Variants in FAM171B observed in about 807,000 individuals in gnomAD.
FAM171B encodes protein FAM171B.
FAM171B carries 19 observed loss-of-function variants against 75.6 expected under a neutral mutation model. The ratio of observed to expected loss-of-function variants is 0.25; its 90% CI spans 0.18 to 0.37. FAM171B has a LOEUF of 0.37. FAM171B is among the 10% of genes least tolerant of loss of function. FAM171B has a pLI of 1.00. For synonymous variants in FAM171B, 367 were observed against 361.7 expected, an observed-to-expected ratio of 1.01 and a Z score of -0.17; for missense variants, 848 against 982.4, an observed-to-expected ratio of 0.86 and a Z score of 1.83.
intron 2 of FAM171B, 49 bp downstream of exon 2, chr2:186,740,510 G>A (rs1320562908): frequency 6.8e-7 from 1 of 1,461,896 alleles, no homozygotes; most frequent in African/African-American, 1.4e-5. Flanking sequence ...AAATGTAAAT[G>A]AATTATTTTC....
chr2:186,703,471 A>T lies in FAM171B; in HGVS notation c.238+9060A>T, dbSNP rs191578688. Among the ~76,000 whole-genome samples, 12 of 152,310 alleles carry T rather than the reference A, an allele frequency of 7.9e-5. No homozygotes were observed. The East Asian group carries it at 2.1e-3, about 27-fold the overall frequency. ...TTCCATATCCTTTGTCCTTTCTGAAATAAAATAAAACCAGTGTTCATGCTT... is the reference window on the plus strand; with the variant it reads ...TTCCATATCCTTTGTCCTTTCTGAATTAAAATAAAACCAGTGTTCATGCTT... On this transcript the variant is annotated intron_variant, in intron 1 of 7. Transcript: ENST00000304698.
intron 1 of FAM171B, among the ~76,000 whole-genome samples, chr2:186,724,924 T>G (rs1282191464): frequency 6.6e-6 from 1 of 152,252 alleles, no homozygotes; most frequent in African/African-American, 2.4e-5. Flanking sequence ...AATGAATTGC[T>G]AAATTCTCGT....
chr2:186,759,344 C>G, intron 6 of FAM171B, among the ~76,000 whole-genome samples: 1 of 152,026 alleles, frequency 6.6e-6, no homozygotes, highest in Middle Eastern at 3.2e-3. Context: ...AACTGAGTTC[C>G]TTTCTTTTGG....
At chr2:186,727,669 A>C (rs1192549702) in intron 1 of FAM171B, among the ~76,000 whole-genome samples, 2 of 152,176 alleles carry the variant, frequency 1.3e-5, no homozygotes, top group Non-Finnish European at 2.9e-5. Flanking sequence ...TGAGTGGGGA[A>C]AAACGACTGG....
Position 186,694,302 on chromosome 2 carries a change from A to ACAGCGG in FAM171B, c.133_134insGGCAGC (p.Gln44_Gln45insArgGln). 6.4e-7 allele frequency: 1 copy of ACAGCGG among 1,565,774 alleles called. No individual in the cohort carries two copies. The highest frequency in any genetic ancestry group is 1.8e-5 in the Admixed American group (1 of 56,648). On this transcript the variant is annotated inframe_insertion, in exon 1 of 8. Coordinates refer to ENST00000304698, the MANE Select transcript of FAM171B (RefSeq NM_177454.4). The stretch of plus-strand genomic sequence containing the variant: ...GCCGCTCCGACCTCAGCCTCATCCA[A>ACAGCGG]CAGCAGCAGCAGCAGCAGCAACAAC...
At chr2:186,724,062 T>C (rs1239891603) in intron 1 of FAM171B, among the ~76,000 whole-genome samples, 2 of 152,060 alleles carry the variant, frequency 1.3e-5, no homozygotes, top group African/African-American at 4.8e-5. Context: ...GTTAAGAAGG[T>C]AGTATGGAAA....
chr2:186,761,578 C>T lies in FAM171B; in HGVS notation c.1236C>T (p.Ile412=), dbSNP rs776873985. The change falls in exon 8 of 8, where the codon ATC becomes ATT. Residue 412 remains isoleucine, a synonymous_variant. Coordinates refer to ENST00000304698, the MANE Select transcript of FAM171B (RefSeq NM_177454.4). ...CTTCAACAACACACATAAATCATATCAGTACAGTTAAAGTTGCATTAAAAG... is the reference window on the plus strand; with the variant it reads ...CTTCAACAACACACATAAATCATATTAGTACAGTTAAAGTTGCATTAAAAG... ...QTTSTTHINH[I]STVKVALKAE... The T allele has an allele frequency of 6.2e-7, 1 of 1,613,068 alleles. No homozygotes were observed. Among genetic ancestry groups the T allele is most frequent in the Non-Finnish European group, 8.5e-7 (1 of 1,179,542 alleles).
At chr2:186,742,048 G>GGT (rs1292889542) in intron 2 of FAM171B, among the ~76,000 whole-genome samples, 2 of 151,776 alleles carry the variant, frequency 1.3e-5, no homozygotes, top group Middle Eastern at 3.2e-3. Context: ...AAAAAGGCAG[G>GGT]GTAACAGTAT....
chr2:186,720,662 T>C (rs1231833665), intron 1 of FAM171B, among the ~76,000 whole-genome samples: 5 of 149,626 alleles, frequency 3.3e-5, no homozygotes, highest in Admixed American at 6.7e-5. Flanking sequence ...TTCTCTATAG[T>C]TTTTTGTATT....
chr2:186,748,613 G>A (rs992777609), intron 4 of FAM171B, among the ~76,000 whole-genome samples: 1 of 152,188 alleles, frequency 6.6e-6, no homozygotes, highest in East Asian at 1.9e-4. Context: ...CTGAGCCAGT[G>A]TATGTCCCCA....
intron 5 of FAM171B, 114 bp downstream of exon 5, chr2:186,751,418 G>C (rs942027709): frequency 1.6e-5 from 15 of 960,018 alleles, no homozygotes; most frequent in Non-Finnish European, 2.0e-5. Context: ...CATCACAAAT[G>C]TATTTGTTAG....
At chr2:186,713,874 C>A (rs1038409788) in intron 1 of FAM171B, among the ~76,000 whole-genome samples, 3 of 152,138 alleles carry the variant, frequency 2.0e-5, no homozygotes, top group Non-Finnish European at 4.4e-5. Flanking sequence ...GTTTTGAATT[C>A]AAACAACAGT....
intron 2 of FAM171B, among the ~76,000 whole-genome samples, chr2:186,743,073 T>C (rs1205020898): frequency 6.6e-6 from 1 of 152,112 alleles, no homozygotes; most frequent in African/African-American, 2.4e-5. Context: ...TGGATATAGT[T>C]TATATCTAGA....
intron 5 of FAM171B, among the ~76,000 whole-genome samples, 183 bp downstream of exon 5, chr2:186,751,487 A>G (rs1216882879): frequency 6.6e-6 from 1 of 152,210 alleles, no homozygotes; most frequent in African/African-American, 2.4e-5. Flanking sequence ...AATGATGGGA[A>G]TACACATGTC....
chr2:186,732,543 G>A (rs1690133234), intron 1 of FAM171B, among the ~76,000 whole-genome samples: 1 of 152,158 alleles, frequency 6.6e-6, no homozygotes, highest in South Asian at 2.1e-4. Context: ...TTTATTAAAA[G>A]GTTTTAGAGC....
intron 6 of FAM171B, among the ~76,000 whole-genome samples, chr2:186,756,814 G>T (rs2105791852): frequency 6.6e-6 from 1 of 152,220 alleles, no homozygotes; most frequent in African/African-American, 2.4e-5. Flanking sequence ...CTTCAAATGG[G>T]GGGTTTGCAC....
At chr2:186,717,283 C>T (rs1689888106) in intron 1 of FAM171B, among the ~76,000 whole-genome samples, 1 of 152,026 alleles carries the variant, frequency 6.6e-6, no homozygotes, top group Non-Finnish European at 1.5e-5. Flanking sequence ...AATCTCTGAG[C>T]CCAAAGAAAT....
In FAM171B at chr2:186,694,405, G is replaced by T; in HGVS notation, c.232G>T (p.Val78Phe). ...GCCTGGGGCAACCTCCACCTTGACGGTTCCAGGTAGGTCCTGGCTGCCCAG... is the reference window on the plus strand; with the variant it reads ...GCCTGGGGCAACCTCCACCTTGACGTTTCCAGGTAGGTCCTGGCTGCCCAG... ...EVPGATSTLT[V>F]PVSVFMLKVQ... Residue 78 changes from valine to phenylalanine, a missense_variant, in exon 1 of 8, where the codon GTT (valine) becomes TTT (phenylalanine). By Grantham distance (50) the Val-to-Phe change is conservative (BLOSUM62 -1). Coordinates refer to ENST00000304698, the MANE Select transcript of FAM171B (RefSeq NM_177454.4). The T allele has an allele frequency of 6.2e-7, 1 of 1,611,660 alleles. No homozygotes were observed.
chr2:186,727,042 C>T (rs1032606871), intron 1 of FAM171B, among the ~76,000 whole-genome samples: 5 of 152,136 alleles, frequency 3.3e-5, no homozygotes, highest in African/African-American at 9.7e-5. Context: ...TTCCTTCTCT[C>T]TCTGCAACGC....
Sources: allele counts gnomAD v4.1 joint callset (sites outside exome capture counted in the v4.1 genomes callset), GRCh38; gene constraint gnomAD v4.1.1; transcripts MANE v1.5; gene names NCBI Gene and HGNC (gene_info 2026-07-23, HGNC 2026-07-21).